The following ARHGEF7 variants were observed in gnomAD, a reference collection of about 807,000 sequenced individuals.
The protein encoded by ARHGEF7 is Rho guanine nucleotide exchange factor 7.
In ARHGEF7, 33 loss-of-function variants were observed where a neutral mutation model predicts 109.8. That is an observed-to-expected ratio of 0.30 (90% confidence interval 0.23 to 0.40). ARHGEF7 has a LOEUF of 0.40. ARHGEF7 is among the 10% of genes least tolerant of loss of function. The pLI is 1.00. For missense variants in ARHGEF7, 938 were observed against 1,098.5 expected (o/e 0.85, Z 2.07); for synonymous variants, 458 against 424.6 (o/e 1.08, Z -0.97).
chr13:111,271,626 G>GCTCT (rs2092154370), intron 9 of ARHGEF7, among the ~76,000 whole-genome samples: 1 of 152,196 alleles, frequency 6.6e-6, no homozygotes, highest in African/African-American at 2.4e-5. Flanking sequence ...AAGTGCACTT[G>GCTCT]CTCTCGTGCG....
chr13:111,117,691 T>TTC (rs919988936), intron 1 of ARHGEF7, among the ~76,000 whole-genome samples: 7 of 151,086 alleles, frequency 4.6e-5, no homozygotes, highest in Admixed American at 2.6e-4. Context: ...CTTTCTTTCT[T>TTC]TCTCTCTCTC....
At chr13:111,117,693 C>T (rs938043665) in intron 1 of ARHGEF7, among the ~76,000 whole-genome samples, 8 of 150,652 alleles carry the variant, frequency 5.3e-5, no homozygotes, top group Admixed American at 4.0e-4. Context: ...TTCTTTCTTT[C>T]TCTCTCTCTC....
At chr13:111,120,884 G>A (rs915674259) in intron 1 of ARHGEF7, among the ~76,000 whole-genome samples, 14 of 152,226 alleles carry the variant, frequency 9.2e-5, no homozygotes, top group Admixed American at 8.5e-4. Flanking sequence ...GCACTCGGAG[G>A]CGGAAGATTC....
chr13:111,138,470 G>A (rs1256144944), intron 1 of ARHGEF7, among the ~76,000 whole-genome samples: 1 of 152,166 alleles, frequency 6.6e-6, no homozygotes, highest in African/African-American at 2.4e-5. Flanking sequence ...GACAGAGCGA[G>A]ATTGCATCTC....
chr13:111,153,467 G>A (rs1031261756), intron 1 of ARHGEF7, among the ~76,000 whole-genome samples: 1 of 152,198 alleles, frequency 6.6e-6, no homozygotes, highest in African/African-American at 2.4e-5. Context: ...GGAGGAGGCG[G>A]CGGTGGCCGC....
intron 2 of ARHGEF7, among the ~76,000 whole-genome samples, chr13:111,161,380 C>A (rs966931214): frequency 6.6e-6 from 1 of 152,186 alleles, no homozygotes; most frequent in Non-Finnish European, 1.5e-5. Flanking sequence ...TAGTGCCTGA[C>A]CCCAACCCCT....
At chr13:111,116,697 C>G (rs1264470204) in intron 1 of ARHGEF7, 8 of 151,754 alleles carry the variant, frequency 5.3e-5, no homozygotes, top group Non-Finnish European at 1.5e-5. Flanking sequence ...GTATTGGCCC[C>G]CATACAGGAT....
intron 2 of ARHGEF7, among the ~76,000 whole-genome samples, chr13:111,193,872 A>G (rs1029059081): frequency 2.0e-5 from 3 of 152,242 alleles, no homozygotes; most frequent in Non-Finnish European, 4.4e-5. Context: ...TTGGTTCGCC[A>G]TCCTCTGGGA....
At chr13:111,285,362 G>C (rs75596282) in intron 16 of ARHGEF7, among the ~76,000 whole-genome samples, 2 of 152,182 alleles carry the variant, frequency 1.3e-5, no homozygotes, top group Admixed American at 1.3e-4. Context: ...TTTAGCATTC[G>C]TGATGGTTTA....
Position 111,266,903 on chromosome 13 carries a change from G to A in ARHGEF7, c.951-645G>A, listed in dbSNP as rs981092945. ...GTCTGGAGAGGTGAGCGTGTACCCC[G>A]TTAGGCACACCCAACACTGAGGCGG... On this transcript the variant is annotated intron_variant, in intron 8 of 21. Transcript: ENST00000646102. This position sits in a 1 kb window ranked among gnomAD's most constrained non-coding sequence, Gnocchi z 4.8. 4.6e-5 allele frequency: 21 copies of A among 455,870 alleles called. No homozygotes were observed. Among genetic ancestry groups the A allele is most frequent in the African/African-American group, 8.0e-5 (4 of 50,044 alleles). 28.2% of individuals were successfully genotyped at this position (455,870 alleles called of 1,614,324 possible).
At chr13:111,253,344 A>C (rs1234495485) in intron 8 of ARHGEF7, among the ~76,000 whole-genome samples, 1 of 152,266 alleles carries the variant, frequency 6.6e-6, no homozygotes. Flanking sequence ...AGTTTTTAAA[A>C]TAAAACTGAT....
At chr13:111,181,111 A>C (rs1344668082) in intron 2 of ARHGEF7, among the ~76,000 whole-genome samples, 1 of 152,180 alleles carries the variant, frequency 6.6e-6, no homozygotes, top group Non-Finnish European at 1.5e-5. Flanking sequence ...TTAGTGGTGA[A>C]TTTATTCAAA....
intron 15 of ARHGEF7, among the ~76,000 whole-genome samples, chr13:111,281,898 T>C (rs1479517000): frequency 6.6e-6 from 1 of 152,220 alleles, no homozygotes; most frequent in African/African-American, 2.4e-5. Flanking sequence ...GGATGATGTA[T>C]TCTGTGATCC....
intron 6 of ARHGEF7, among the ~76,000 whole-genome samples, chr13:111,236,083 A>G (rs1259847033): frequency 2.0e-5 from 3 of 152,208 alleles, no homozygotes; most frequent in African/African-American, 7.2e-5. Context: ...GAACACCAAA[A>G]AGACACTGGA....
intron 8 of ARHGEF7, among the ~76,000 whole-genome samples, chr13:111,256,586 G>A (rs369091105): frequency 6.6e-6 from 1 of 152,182 alleles, no homozygotes; most frequent in East Asian, 1.9e-4. Flanking sequence ...GAGACCTTTA[G>A]TTGGCGTGCT....
chr13:111,300,163 A>G (rs1048468289), intron 19 of ARHGEF7, among the ~76,000 whole-genome samples: 1 of 152,186 alleles, frequency 6.6e-6, no homozygotes, highest in African/African-American at 2.4e-5. Flanking sequence ...AATGACAGAA[A>G]TGTTCTGACA....
At chr13:111,289,087 A>G (rs552851842) in intron 18 of ARHGEF7, among the ~76,000 whole-genome samples, 24 of 152,074 alleles carry the variant, frequency 1.6e-4, no homozygotes, top group African/African-American at 5.5e-4. Context: ...GCTGGAGTGC[A>G]GTAGCGTGAT....
intron 11 of ARHGEF7, 85 bp from the exon 12 acceptor site, chr13:111,275,447 C>T: frequency 7.0e-7 from 1 of 1,437,982 alleles, no homozygotes. Flanking sequence ...CAATAATTGT[C>T]TTAAGGATGA....
intron 16 of ARHGEF7, 100 bp downstream of exon 16, chr13:111,283,463 C>G: frequency 6.9e-7 from 1 of 1,458,064 alleles, no homozygotes; most frequent in East Asian, 2.5e-5. Flanking sequence ...GCAAAATGCA[C>G]CCTAACTCCT....
Sources: gnomAD v4.1 joint callset for allele counts (sites outside exome capture counted in the v4.1 genomes callset) on GRCh38, gnomAD v4.1.1 for gene constraint, Gnocchi (gnomAD v3.1) non-coding constraint, MANE v1.5 for transcripts, NCBI Gene and HGNC (gene_info 2026-07-23, HGNC 2026-07-21) for gene names.